Variants in CDH12 observed in about 807,000 individuals in gnomAD.
CDH12 encodes cadherin-12.
Under a neutral mutation model 74.1 loss-of-function variants are expected in CDH12, and 41 were observed. That is an observed-to-expected ratio of 0.55 (90% confidence interval 0.43 to 0.72). The LOEUF (loss-of-function observed/expected upper bound fraction) is 0.72, where lower values mean the gene tolerates loss of function less well. Ranked by LOEUF, CDH12 falls within the 30% of genes least tolerant of loss-of-function variation. The probability of loss-of-function intolerance (pLI) is 0.00; values close to 1 mark genes in which losing one functional copy is unlikely to be tolerated. For synonymous variants in CDH12, 399 were observed against 355.0 expected, an observed-to-expected ratio of 1.12 and a Z score of -1.39; for missense variants, 945 against 977.2, an observed-to-expected ratio of 0.97 and a Z score of 0.44.
chr5:21,900,876 G>GAT (rs751199035), intron 6 of CDH12, among the ~76,000 whole-genome samples: 3 of 152,134 alleles, frequency 2.0e-5, no homozygotes, highest in Non-Finnish European at 2.9e-5. Context: ...AAATAAAGAT[G>GAT]ATAAATCCTT....
intron 6 of CDH12, among the ~76,000 whole-genome samples, chr5:21,885,955 TCTTC>T (rs1482505282): frequency 6.6e-6 from 1 of 152,210 alleles, no homozygotes; most frequent in African/African-American, 2.4e-5. Flanking sequence ...CCCCAGCATA[TCTTC>T]CAAACATATT....
chr5:21,947,975 T>C (rs1755655957), intron 6 of CDH12, among the ~76,000 whole-genome samples: 1 of 152,222 alleles, frequency 6.6e-6, no homozygotes, highest in African/African-American at 2.4e-5. Flanking sequence ...CCCCAAGCCT[T>C]GGAGGATTCC....
rs538327349 is a variant in CDH12, at chr5:21,791,694, A to G, written c.1257-8200T>C. Among the ~76,000 whole-genome samples the G allele has an allele frequency of 2.5e-3, 373 of 147,668 alleles. 3 individuals carry two copies. Among genetic ancestry groups the G allele is most frequent in the African/African-American group, 8.9e-3 (360 of 40,310 alleles). On this transcript the variant is annotated intron_variant, in intron 10 of 14. Transcript: ENST00000382254. The stretch of plus-strand genomic sequence containing the variant: ...CAGTGATTGTTGCTAAAAAAAAAAA[A>G]GGTTTTAACATTTGAATAGAAATCA...
At chr5:21,860,132 A>T (rs1020027714) in intron 6 of CDH12, among the ~76,000 whole-genome samples, 1 of 152,068 alleles carries the variant, frequency 6.6e-6, no homozygotes, top group Admixed American at 6.6e-5. Flanking sequence ...TGCAGAAATG[A>T]GTACTGTAAT....
chr5:22,831,393 G>GTGTA (rs879873085), intron 1 of CDH12, among the ~76,000 whole-genome samples: 2 of 150,938 alleles, frequency 1.3e-5, no homozygotes, highest in Non-Finnish European at 3.0e-5. Context: ...GTGTGTGTGT[G>GTGTA]TGTATTTCAA....
At chr5:21,878,987 G>A (rs1380216444) in intron 6 of CDH12, among the ~76,000 whole-genome samples, 3 of 152,116 alleles carry the variant, frequency 2.0e-5, no homozygotes, top group South Asian at 2.1e-4. Context: ...AGAGAAAAAT[G>A]TCTATGTTGA....
intron 6 of CDH12, among the ~76,000 whole-genome samples, chr5:21,888,195 A>G (rs1259705081): frequency 1.3e-5 from 2 of 152,162 alleles, no homozygotes; most frequent in Non-Finnish European, 2.9e-5. Context: ...CAAATCTAAG[A>G]AAGGACAAAA....
At chr5:22,666,435 G>A (rs1292583595) in intron 1 of CDH12, among the ~76,000 whole-genome samples, 5 of 150,978 alleles carry the variant, frequency 3.3e-5, no homozygotes, top group African/African-American at 9.7e-5. Flanking sequence ...GACTACAGGC[G>A]CCCGCCACTA....
At chr5:22,020,642 T>G (rs1233088092) in intron 5 of CDH12, among the ~76,000 whole-genome samples, 2 of 152,030 alleles carry the variant, frequency 1.3e-5, no homozygotes. Flanking sequence ...GGCTTGATGA[T>G]GCTCACCTTC....
At chr5:21,880,650 TCTTTCTTTCTTTCTTTCTTTC>T (rs1308574142) in intron 6 of CDH12, among the ~76,000 whole-genome samples, 20 of 133,632 alleles carry the variant, frequency 1.5e-4, no homozygotes, top group Admixed American at 6.4e-4. Flanking sequence ...TTTCTTTCTT[TCTTTCTTTCTTTCTTTCTTTC>T]TTTCTTTCTT....
intron 3 of CDH12, among the ~76,000 whole-genome samples, chr5:22,228,286 A>T (rs1216942625): frequency 6.6e-6 from 1 of 152,100 alleles, no homozygotes; most frequent in Non-Finnish European, 1.5e-5. Context: ...TGAAAAAGAC[A>T]TTGGCCAAAT....
chr5:22,603,855 G>C (rs1170629854), intron 1 of CDH12, among the ~76,000 whole-genome samples: 5 of 152,192 alleles, frequency 3.3e-5, no homozygotes, highest in Non-Finnish European at 5.9e-5. Context: ...CTGTAAAATG[G>C]AAAAAGAATT....
At chr5:22,058,811 A>C (rs2150202696) in intron 5 of CDH12, among the ~76,000 whole-genome samples, 1 of 152,066 alleles carries the variant, frequency 6.6e-6, no homozygotes, top group East Asian at 1.9e-4. Context: ...GAAGGAAGGA[A>C]AATAAACAAA....
chr5:22,800,477 C>G (rs917763477), intron 1 of CDH12, among the ~76,000 whole-genome samples: 16 of 152,120 alleles, frequency 1.1e-4, no homozygotes, highest in Admixed American at 6.5e-5. Flanking sequence ...TAGTCCTACA[C>G]GTGTACAGTT....
intron 1 of CDH12, among the ~76,000 whole-genome samples, chr5:22,841,867 G>T (rs1039430630): frequency 6.6e-6 from 1 of 152,138 alleles, no homozygotes; most frequent in Non-Finnish European, 1.5e-5. Context: ...GGAAGCTGCT[G>T]GTTTGAGCAA....
intron 1 of CDH12, among the ~76,000 whole-genome samples, chr5:22,721,988 C>T (rs568264189): frequency 3.3e-5 from 5 of 152,054 alleles, no homozygotes; most frequent in Admixed American, 6.5e-5. Flanking sequence ...TTAGGCAGTC[C>T]CTTACAGCAG....
chr5:22,231,260 G>A (rs1483167156), intron 3 of CDH12, among the ~76,000 whole-genome samples: 1 of 151,942 alleles, frequency 6.6e-6, no homozygotes, highest in Non-Finnish European at 1.5e-5. Context: ...ATTAGACAAA[G>A]GATTTTGAAT....
intron 3 of CDH12, among the ~76,000 whole-genome samples, chr5:22,392,114 G>A (rs963971598): frequency 6.6e-6 from 1 of 152,100 alleles, no homozygotes; most frequent in Non-Finnish European, 1.5e-5. Context: ...CCTTCCTTTG[G>A]TATGACCCAG....
Position 22,539,459 on chromosome 5 carries a change from G to C in CDH12, c.-522-34095C>G, listed in dbSNP as rs185571049. Among the ~76,000 whole-genome samples, 18 of 152,298 alleles carry C rather than the reference G, an allele frequency of 1.2e-4. No homozygotes were observed. In the East Asian group the frequency reaches 3.1e-3, roughly 26 times the overall value. On this transcript the variant is annotated intron_variant, in intron 1 of 14. Transcript: ENST00000382254. ...ATATTACCAGTTAATAAATGAATGG[G>C]TGAATAAAGGATTGAAGAGTAGATG... is the stretch of plus-strand genomic sequence containing the variant.
Sources: gnomAD v4.1 joint callset for allele counts (sites outside exome capture counted in the v4.1 genomes callset) on GRCh38, gnomAD v4.1.1 for gene constraint, MANE v1.5 for transcripts, NCBI Gene and HGNC (gene_info 2026-07-23, HGNC 2026-07-21) for gene names.